LUC7L: variants seen among roughly 807,000 people sequenced by gnomAD.
LUC7L encodes the protein LUC7 like.
A neutral mutation model predicts 51.1 loss-of-function variants in LUC7L; 29 were observed. That is an observed-to-expected ratio of 0.57 (90% CI 0.42 to 0.77). LUC7L has a LOEUF of 0.77. Among genes scored for constraint, LUC7L ranks in the 30% least tolerant of loss-of-function variants. The pLI, the probability that LUC7L is intolerant of heterozygous loss-of-function variation, is 0.00. For missense variants in LUC7L, 403 were observed against 511.9 expected, an observed-to-expected ratio of 0.79 and a Z score of 2.05; for synonymous variants, 181 against 180.7, an observed-to-expected ratio of 1.00 and a Z score of -0.01.
intron 5 of LUC7L, among the ~76,000 whole-genome samples, chr16:203,859 AC>A (rs1159270987): frequency 5.2e-4 from 79 of 151,938 alleles, no homozygotes; most frequent in Non-Finnish European, 1.2e-4. Flanking sequence ...TACTAAAAAC[AC>A]AAAAAATTAG....
intron 6 of LUC7L, 24 bp from the exon 7 acceptor site, chr16:193,039 A>G: frequency 1.3e-6 from 2 of 1,584,570 alleles, no homozygotes; most frequent in Non-Finnish European, 1.7e-6. Flanking sequence ...ACAAAAAATG[A>G]GGAAGAGCAA....
chr16:217,245 G>A (rs111945796), intron 3 of LUC7L, among the ~76,000 whole-genome samples: 21 of 151,568 alleles, frequency 1.4e-4, no homozygotes, highest in African/African-American at 4.1e-4. Flanking sequence ...TTCAACTCCC[G>A]ACCTCAGGTG....
intron 7 of LUC7L, among the ~76,000 whole-genome samples, chr16:192,502 CTTTTT>C (rs398058029): frequency 1.3e-4 from 16 of 125,616 alleles, no homozygotes; most frequent in South Asian, 5.0e-4. Context: ...ATGCTGTTTA[CTTTTT>C]TTTTTTTTTT....
chr16:200,207 G>A (rs2049283212), intron 5 of LUC7L, among the ~76,000 whole-genome samples: 1 of 151,482 alleles, frequency 6.6e-6, no homozygotes, highest in African/African-American at 2.4e-5. Flanking sequence ...CGAATCATGG[G>A]GTCAGGAGAT....
At chr16:211,018 ACTC>A in intron 3 of LUC7L, among the ~76,000 whole-genome samples, 1 of 148,794 alleles carries the variant, frequency 6.7e-6, no homozygotes, top group South Asian at 2.1e-4. Flanking sequence ...GTGCCACTGC[ACTC>A]CAGCCTGGGT....
rs146490197 is a variant in LUC7L at position 189,998 on chromosome 16, C to T, written c.944G>A (p.Arg315Gln). 16 of 1,613,564 alleles carry T rather than the reference C, an allele frequency of 9.9e-6. No homozygotes were observed. The highest frequency in any genetic ancestry group is 5.3e-5 in the African/African-American group (4 of 74,898). ...TTTCGCACTTCGGTCCCGGGAAGCCCGACGATGTCCCCGGCTGTGGCTCCG... is the reference window on the plus strand; with the variant it reads ...TTTCGCACTTCGGTCCCGGGAAGCCTGACGATGTCCCCGGCTGTGGCTCCG... Reference protein sequence around the residue: ...RSRSHSRGHRRASRDRSAKYK... With the variant: ...RSRSHSRGHRQASRDRSAKYK... The change falls in exon 9 of 10, where the codon CGG becomes CAG. Residue 315 changes from arginine to glutamine, a missense_variant. Physicochemically the swap from Arg to Gln is conservative, Grantham distance 43. Coordinates refer to ENST00000293872, the MANE Select transcript of LUC7L (RefSeq NM_201412.3).
chr16:194,620 T>A (rs999486255), intron 6 of LUC7L, among the ~76,000 whole-genome samples: 6 of 152,158 alleles, frequency 3.9e-5, no homozygotes, highest in African/African-American at 1.4e-4. Context: ...CTCAGGGTGC[T>A]GGGTGCTACG....
At chr16:200,709 C>CA (rs1469222424) in intron 5 of LUC7L, among the ~76,000 whole-genome samples, 2 of 152,230 alleles carry the variant, frequency 1.3e-5, no homozygotes, top group African/African-American at 4.8e-5. Context: ...CAGCAAGACT[C>CA]AGTCTCTAAA....
intron 5 of LUC7L, 30 bp from the exon 6 acceptor site, chr16:199,268 G>A (rs2049251189): frequency 2.0e-6 from 3 of 1,490,510 alleles, no homozygotes; most frequent in East Asian, 2.3e-5. Context: ...AAATAAAAGT[G>A]AGGTATATAG....
Position 229,331 on chromosome 16 carries a change from G to T in LUC7L, c.9C>A (p.Ala3=). Residue 3 remains alanine (A), a synonymous_variant, in exon 1 of 10, where the codon GCC becomes GCA. Transcript: ENST00000293872. ...CCAGCAGGGCCCGCATCTGCGCCTG[G>T]GCGGACATGGTAGCCGGCGGAGGCG... MS[A]QAQMRALLDQ... is the part of the protein sequence containing the mutation. 6.6e-7 allele frequency: 1 copy of T among 1,516,702 alleles called. No homozygotes were observed. The highest frequency in any genetic ancestry group is 1.2e-5 in the South Asian group (1 of 81,758). 94.0% of individuals were successfully genotyped at this position (1,516,702 alleles called of 1,614,324 possible). A position where few individuals can be genotyped will look rare whatever the true frequency, so the allele number is the denominator to read the frequency against.
At chr16:226,802 G>T (rs983709254) in intron 2 of LUC7L, among the ~76,000 whole-genome samples, 3 of 152,150 alleles carry the variant, frequency 2.0e-5, no homozygotes, top group African/African-American at 7.2e-5. Context: ...AAAAAATCTG[G>T]TAACTTTACA....
At chr16:191,648 C>T (rs549604799) in intron 7 of LUC7L, among the ~76,000 whole-genome samples, 24 of 152,154 alleles carry the variant, frequency 1.6e-4, no homozygotes, top group Non-Finnish European at 2.6e-4. Context: ...AGATCGAGAC[C>T]AGCCTGGCCA....
chr16:229,304 G>C lies in LUC7L; in HGVS notation c.36C>G (p.Asp12Glu). The stretch of plus-strand genomic sequence containing the variant: ...CGTCCCGAGCCGTGCCCATGAGCTG[G>C]TCCAGCAGGGCCCGCATCTGCGCCT... ...SAQAQMRALL[D>E]QLMGTARDGD... The change falls in exon 1 of 10, where the codon GAC (aspartate) becomes GAG (glutamate). Residue 12 changes from aspartate to glutamate, a missense_variant. Coordinates refer to ENST00000293872, the MANE Select transcript of LUC7L (RefSeq NM_201412.3). The C allele has an allele frequency of 6.5e-7, 1 of 1,537,176 alleles. No homozygotes were observed. The highest frequency in any genetic ancestry group is 8.7e-7 in the Non-Finnish European group (1 of 1,149,110).
intron 1 of LUC7L, 43 bp from the exon 2 acceptor site, chr16:227,379 T>G (rs560575019): frequency 1.3e-6 from 2 of 1,562,186 alleles, no homozygotes; most frequent in African/African-American, 2.7e-5. Flanking sequence ...TATTATCACA[T>G]TAACCACCAA....
At chr16:229,046 A>C in intron 1 of LUC7L, 1 of 1,419,958 alleles carries the variant, frequency 7.0e-7, no homozygotes. Context: ...AGGAGGCTGA[A>C]GCCCCATCCA....
At chr16:197,964 C>T (rs2858012) in intron 6 of LUC7L, among the ~76,000 whole-genome samples, 210 of 152,148 alleles carry the variant, frequency 1.4e-3, no homozygotes, top group Non-Finnish European at 2.1e-3. Context: ...CTTAGCATTC[C>T]GTACTTAAAG....
At position 189,237 on chromosome 16, in the gene LUC7L, A is replaced by G; in HGVS notation, c.1077T>C (p.Ala359=). The G allele has an allele frequency of 6.2e-7, 1 of 1,613,998 alleles. No individual in the cohort carries two copies. The change falls in exon 10 of 10, where the codon GCT becomes GCC. Residue 359 remains alanine, a synonymous_variant. Coordinates refer to ENST00000293872, the MANE Select transcript of LUC7L (RefSeq NM_201412.3). ...WRLESSNGKM[A]SRRSEEKEAG... ...CCTCCTTCTCTTCTGACCTCCGTGA[A>G]GCCATCTTCCCGTTGGAGCTCTCAA...
At chr16:193,744 C>T (rs1487360541) in intron 6 of LUC7L, among the ~76,000 whole-genome samples, 1 of 151,898 alleles carries the variant, frequency 6.6e-6, no homozygotes, top group African/African-American at 2.4e-5. Context: ...ATGCCTGCCT[C>T]GGCCTCCCAA....
At chr16:208,877 C>T (rs1197956091) in intron 3 of LUC7L, 1 of 152,242 alleles carries the variant, frequency 6.6e-6, no homozygotes, top group Non-Finnish European at 1.5e-5. Context: ...CATAACTAGG[C>T]AAAGGCTAAC....
Sources: allele counts gnomAD v4.1 joint callset (sites outside exome capture counted in the v4.1 genomes callset), GRCh38; gene constraint gnomAD v4.1.1; transcripts MANE v1.5; gene names NCBI Gene and HGNC (gene_info 2026-07-23, HGNC 2026-07-21).